Variants in SNTB2 observed in about 807,000 individuals in gnomAD.
SNTB2 encodes beta-2-syntrophin.
A neutral mutation model predicts 46.2 loss-of-function variants in SNTB2; 34 were observed. That is an observed-to-expected ratio of 0.74 (90% CI 0.56 to 0.98). SNTB2 has a LOEUF of 0.98. SNTB2 is among the 50% of genes least tolerant of loss of function. The pLI, the probability that SNTB2 is intolerant of heterozygous loss-of-function variation, is 0.00. For synonymous variants in SNTB2, 290 were observed against 312.6 expected, an observed-to-expected ratio of 0.93 and a Z score of 0.76; for missense variants, 603 against 731.4, an observed-to-expected ratio of 0.82 and a Z score of 2.02.
rs1965326614 is a variant in SNTB2, at chr16:69,307,770, C to A, written c.*6846C>A. Reference sequence around the variant, plus strand: ...GACCAGCCTGGGCAACACAGCGGGACCCCGACTCCATTTAAAAAATTAAAA... The same window carrying A: ...GACCAGCCTGGGCAACACAGCGGGAACCCGACTCCATTTAAAAAATTAAAA... On this transcript the variant is annotated 3_prime_UTR_variant, in exon 7 of 7. Transcript: ENST00000336278. The A allele has an allele frequency of 6.6e-6, 1 of 150,822 alleles. No individual in the cohort carries two copies. Among genetic ancestry groups the A allele is most frequent in the Non-Finnish European group, 1.5e-5 (1 of 67,884 alleles). The allele number at this position is 150,822 out of a possible 1,614,324, so 9.3% of individuals were successfully genotyped here.
rs557346412 is a variant in SNTB2, at chr16:69,289,507, T to A, written c.1345+5263T>A. ...GAAAGGACTTAAAATGTTCCCAACA[T>A]ATAGAATTGTTAAATATTCAATGTG... On this transcript the variant is annotated intron_variant, in intron 5 of 6. Coordinates refer to ENST00000336278, the MANE Select transcript of SNTB2 (RefSeq NM_006750.4). Among the ~76,000 whole-genome samples the A allele has an allele frequency of 5.9e-5, 9 of 152,308 alleles. No homozygotes were observed. In the South Asian group the frequency reaches 1.9e-3, roughly 32 times the overall value.
chr16:69,245,719 C>T lies in SNTB2; in HGVS notation c.698C>T (p.Ser233Leu), dbSNP rs775104988. Residue 233 changes from serine (S) to leucine (L), a missense_variant, in exon 2 of 7, where the codon TCG becomes TTG. Ser to Leu is a moderately radical substitution (Grantham distance 145). Coordinates refer to ENST00000336278, the MANE Select transcript of SNTB2 (RefSeq NM_006750.4). ...TTTAGTGGCAGTGAGGACTCTGGTT[C>T]GCCAAAACACCAGAACAGCACCAAG... Reference protein sequence around the residue: ...PSFSGSEDSGSPKHQNSTKDR... With the variant: ...PSFSGSEDSGLPKHQNSTKDR... 1.0e-4 allele frequency: 166 copies of T among 1,613,966 alleles called. No individual in the cohort carries two copies. The highest frequency in any genetic ancestry group is 1.3e-4 in the Non-Finnish European group (149 of 1,180,030).
chr16:69,240,029 T>C (rs373801736), intron 1 of SNTB2, among the ~76,000 whole-genome samples: 1 of 152,202 alleles, frequency 6.6e-6, no homozygotes, highest in Non-Finnish European at 1.5e-5. Flanking sequence ...TTCACTTCCA[T>C]TGAAGGAAAT....
At chr16:69,198,418 C>T (rs1299505847) in intron 1 of SNTB2, among the ~76,000 whole-genome samples, 4 of 152,050 alleles carry the variant, frequency 2.6e-5, no homozygotes, top group Non-Finnish European at 4.4e-5. Context: ...CTATTTTTCA[C>T]ATGTGTATTT....
intron 2 of SNTB2, 38 bp downstream of exon 2, chr16:69,245,853 T>G: frequency 1.9e-6 from 3 of 1,589,042 alleles, no homozygotes; most frequent in Non-Finnish European, 2.6e-6. Flanking sequence ...ACCTACAGCT[T>G]TACAAACTTA....
At chr16:69,254,769 G>A (rs560627361) in intron 2 of SNTB2, among the ~76,000 whole-genome samples, 1 of 152,216 alleles carries the variant, frequency 6.6e-6, no homozygotes, top group Non-Finnish European at 1.5e-5. Context: ...CTTGAGCCCA[G>A]GAGTTCAAGA....
chr16:69,268,334 G>A (rs1423576718), intron 3 of SNTB2, among the ~76,000 whole-genome samples: 1 of 151,918 alleles, frequency 6.6e-6, no homozygotes. Flanking sequence ...CATGGTGGTG[G>A]GTGCCTGTAA....
chr16:69,219,593 A>G (rs1269277895), intron 1 of SNTB2, among the ~76,000 whole-genome samples: 1 of 152,158 alleles, frequency 6.6e-6, no homozygotes, highest in Non-Finnish European at 1.5e-5. Flanking sequence ...AAAGAAAATA[A>G]CTCAGTTCTC....
At chr16:69,255,684 C>T (rs924690153) in intron 2 of SNTB2, among the ~76,000 whole-genome samples, 1 of 151,274 alleles carries the variant, frequency 6.6e-6, no homozygotes, top group Non-Finnish European at 1.5e-5. Context: ...AATTTCAGAC[C>T]AGCCTGACCA....
chr16:69,255,370 G>A (rs1013059144), intron 2 of SNTB2, among the ~76,000 whole-genome samples: 2 of 152,100 alleles, frequency 1.3e-5, no homozygotes, highest in East Asian at 3.9e-4. Context: ...AAACCATCTG[G>A]CTAACATGGT....
At chr16:69,268,215 G>C (rs1964905078) in intron 3 of SNTB2, among the ~76,000 whole-genome samples, 1 of 152,194 alleles carries the variant, frequency 6.6e-6, no homozygotes, top group Non-Finnish European at 1.5e-5. Context: ...TGTAATCCCA[G>C]CACTTTGGGA....
At chr16:69,216,599 C>A (rs955342367) in intron 1 of SNTB2, among the ~76,000 whole-genome samples, 1 of 151,352 alleles carries the variant, frequency 6.6e-6, no homozygotes, top group Non-Finnish European at 1.5e-5. Context: ...ATGGGAAGAT[C>A]GCTTATACAT....
At chr16:69,251,851 C>T (rs1964730171) in intron 2 of SNTB2, among the ~76,000 whole-genome samples, 1 of 152,040 alleles carries the variant, frequency 6.6e-6, no homozygotes, top group South Asian at 2.1e-4. Context: ...TTTGGGAGGT[C>T]GAGGCGGGTG....
At chr16:69,262,090 G>A (rs1434006616) in intron 3 of SNTB2, among the ~76,000 whole-genome samples, 4 of 152,160 alleles carry the variant, frequency 2.6e-5, no homozygotes, top group African/African-American at 9.7e-5. Context: ...GTGGTGGCAT[G>A]CACCTGTGTC....
rs1266676392 is a variant in SNTB2, at chr16:69,308,455, G to A, written c.*7531G>A. The A allele has an allele frequency of 6.6e-6, 1 of 152,082 alleles. No homozygotes were observed. Among genetic ancestry groups the A allele is most frequent in the East Asian group, 1.9e-4 (1 of 5,198 alleles). The allele number at this position is 152,082 out of a possible 1,614,324, so 9.4% of individuals were successfully genotyped here. On this transcript the variant is annotated 3_prime_UTR_variant, in exon 7 of 7. Coordinates refer to ENST00000336278, the MANE Select transcript of SNTB2 (RefSeq NM_006750.4). ...TTTCAGAATTTTCCCTCCACTATAC[G>A]ACTCCAGTATTATGTTTACAATCCA...
chr16:69,272,868 C>T (rs1181713818), intron 4 of SNTB2, among the ~76,000 whole-genome samples: 2 of 129,794 alleles, frequency 1.5e-5, no homozygotes, highest in African/African-American at 6.1e-5. Flanking sequence ...CCAGCCTGGG[C>T]GACAGAGCCA....
intron 3 of SNTB2, among the ~76,000 whole-genome samples, chr16:69,269,271 C>G (rs895742744): frequency 6.6e-6 from 1 of 152,074 alleles, no homozygotes. Flanking sequence ...GTAATCCTAG[C>G]ACTTTGGGAG....
chr16:69,299,843 C>T (rs532239902), intron 6 of SNTB2, 69 bp downstream of exon 6: 3 of 1,464,252 alleles, frequency 2.0e-6, no homozygotes, highest in Admixed American at 4.0e-5. Flanking sequence ...CTTCTTACCC[C>T]TTATATACAA....
At chr16:69,240,702 GAGTT>G (rs1281592285) in intron 1 of SNTB2, 1 of 152,224 alleles carries the variant, frequency 6.6e-6, no homozygotes, top group Non-Finnish European at 1.5e-5. Context: ...GAAAAGGTAA[GAGTT>G]AGAGATAAAA....
Sources: gnomAD v4.1 joint callset for allele counts (sites outside exome capture counted in the v4.1 genomes callset) on GRCh38, gnomAD v4.1.1 for gene constraint, MANE v1.5 for transcripts, NCBI Gene and HGNC (gene_info 2026-07-23, HGNC 2026-07-21) for gene names.